CFAP299: variants seen among roughly 807,000 people sequenced by gnomAD.
CFAP299 encodes cilia and flagella associated protein 299.
A neutral mutation model predicts 27.0 loss-of-function variants in CFAP299; 21 were observed. That is an observed-to-expected ratio of 0.78 (90% confidence interval 0.55 to 1.12). The LOEUF is 1.12. Among genes scored for constraint, CFAP299 ranks in the 50% most tolerant of loss-of-function variants. The pLI is 0.00. For missense variants in CFAP299, 310 were observed against 276.6 expected (o/e 1.12, Z -0.86); for synonymous variants, 104 against 98.1 (o/e 1.06, Z -0.36).
chr4:80,849,135 T>G (rs1731351274), intron 3 of CFAP299, among the ~76,000 whole-genome samples: 1 of 152,190 alleles, frequency 6.6e-6, no homozygotes, highest in South Asian at 2.1e-4. Flanking sequence ...CATAAAATAT[T>G]TGTCTTTATA....
chr4:80,630,843 C>A (rs1025285311), intron 3 of CFAP299, among the ~76,000 whole-genome samples: 2 of 151,894 alleles, frequency 1.3e-5, no homozygotes, highest in African/African-American at 4.8e-5. Flanking sequence ...TTTTTTCTTA[C>A]ACATACATAC....
intron 1 of CFAP299, among the ~76,000 whole-genome samples, chr4:80,359,994 G>T (rs1306699616): frequency 5.9e-5 from 9 of 152,124 alleles, no homozygotes; most frequent in Admixed American, 5.9e-4. Context: ...CTTGGAATGG[G>T]TTTTATTTTT....
At chr4:80,835,141 G>GAT (rs1036721258) in intron 3 of CFAP299, among the ~76,000 whole-genome samples, 1 of 152,016 alleles carries the variant, frequency 6.6e-6, no homozygotes, top group African/African-American at 2.4e-5. Flanking sequence ...TTTTGAGATG[G>GAT]AGTCTCGCTC....
intron 2 of CFAP299, among the ~76,000 whole-genome samples, chr4:80,402,682 A>G (rs887092881): frequency 2.0e-5 from 3 of 152,244 alleles, no homozygotes; most frequent in Admixed American, 2.0e-4. Flanking sequence ...AGGCAGAAGT[A>G]GGATGAAGAC....
intron 3 of CFAP299, among the ~76,000 whole-genome samples, chr4:80,815,874 A>T (rs1204307714): frequency 6.6e-6 from 1 of 152,038 alleles, no homozygotes; most frequent in Non-Finnish European, 1.5e-5. Flanking sequence ...TCTCTCTAGG[A>T]TAGGAATTGA....
intron 5 of CFAP299, among the ~76,000 whole-genome samples, chr4:80,948,008 A>C (rs1400498275): frequency 6.6e-6 from 1 of 152,172 alleles, no homozygotes; most frequent in East Asian, 1.9e-4. Flanking sequence ...TAAGGTGAAC[A>C]TCTCATAACT....
At chr4:80,632,809 A>T (rs1739280299) in intron 3 of CFAP299, among the ~76,000 whole-genome samples, 1 of 152,152 alleles carries the variant, frequency 6.6e-6, no homozygotes, top group Admixed American at 6.5e-5. Flanking sequence ...TTCCAGGAGA[A>T]CATCAATGAA....
intron 3 of CFAP299, among the ~76,000 whole-genome samples, chr4:80,787,809 T>A (rs1272326951): frequency 6.6e-6 from 1 of 151,466 alleles, no homozygotes; most frequent in Non-Finnish European, 1.5e-5. Flanking sequence ...ACATATGGAG[T>A]TTTTCCCTAT....
intron 2 of CFAP299, among the ~76,000 whole-genome samples, chr4:80,568,279 A>G (rs1239678278): frequency 6.6e-6 from 1 of 152,050 alleles, no homozygotes. Context: ...CAAAATTTAA[A>G]CTTAGAATTG....
chr4:80,415,014 G>A (rs1009074723), intron 2 of CFAP299, among the ~76,000 whole-genome samples: 1 of 152,140 alleles, frequency 6.6e-6, no homozygotes, highest in Non-Finnish European at 1.5e-5. Flanking sequence ...GTTGTACTGA[G>A]TGAATATATA....
chr4:80,607,815 T>G (rs1737757066), intron 3 of CFAP299, among the ~76,000 whole-genome samples: 1 of 152,172 alleles, frequency 6.6e-6, no homozygotes, highest in African/African-American at 2.4e-5. Flanking sequence ...CTGGGAAATG[T>G]GTCACTGCAA....
At chr4:80,331,275 G>C (rs900599653), upstream of CFAP299, among the ~76,000 whole-genome samples, 1 of 152,168 alleles carries the variant, frequency 6.6e-6, no homozygotes, top group Admixed American at 6.5e-5. Flanking sequence ...TGAAGGTCAG[G>C]ATGTGGAATG....
chr4:80,819,975 G>T (rs1260828599), intron 3 of CFAP299, among the ~76,000 whole-genome samples: 2 of 152,072 alleles, frequency 1.3e-5, no homozygotes, highest in Admixed American at 6.6e-5. Flanking sequence ...TGTTGTTGTT[G>T]TTGTTGTTTT....
At chr4:80,655,404 T>C (rs971172590) in intron 3 of CFAP299, among the ~76,000 whole-genome samples, 1 of 152,152 alleles carries the variant, frequency 6.6e-6, no homozygotes, top group Non-Finnish European at 1.5e-5. Context: ...TATTCTGGAA[T>C]CATGACAGGA....
intron 4 of CFAP299, among the ~76,000 whole-genome samples, chr4:80,926,378 G>A (rs1027291170): frequency 6.6e-6 from 1 of 151,966 alleles, no homozygotes; most frequent in East Asian, 1.9e-4. Context: ...AATTGTGATT[G>A]CAAGAGGATG....
intron 3 of CFAP299, among the ~76,000 whole-genome samples, chr4:80,753,104 G>A (rs565377638): frequency 6.6e-6 from 1 of 151,376 alleles, no homozygotes; most frequent in Non-Finnish European, 1.5e-5. Context: ...ATTTGTGTAG[G>A]TCTAAGTTTT....
intron 3 of CFAP299, among the ~76,000 whole-genome samples, chr4:80,832,503 G>A (rs775036902): frequency 1.9e-4 from 29 of 152,132 alleles, no homozygotes; most frequent in Non-Finnish European, 3.7e-4. Flanking sequence ...GATAAAGACT[G>A]GAGCAGCTGG....
intron 4 of CFAP299, chr4:80,871,960 C>A (rs1578202700): frequency 1.4e-5 from 2 of 140,796 alleles, no homozygotes; most frequent in East Asian, 4.0e-4. Context: ...CTCTTGCATG[C>A]TTTTTTTTTT....
At chr4:80,871,427 A>G (rs540723004) in intron 4 of CFAP299, 3 of 985,314 alleles carry the variant, frequency 3.0e-6, no homozygotes, top group African/African-American at 3.5e-5. Flanking sequence ...AAATTTCACA[A>G]AACTGTGGAT....
Sources: allele counts gnomAD v4.1 joint callset (sites outside exome capture counted in the v4.1 genomes callset), GRCh38; gene constraint gnomAD v4.1.1; transcripts MANE v1.5; gene names NCBI Gene and HGNC (gene_info 2026-07-23, HGNC 2026-07-21).